GRM1: variants seen among roughly 807,000 people sequenced by gnomAD.
GRM1 encodes the protein glutamate metabotropic receptor 1.
GRM1 carries 33 observed loss-of-function variants against 90.9 expected under a neutral mutation model. The observed-to-expected ratio is 0.36, with a 90% CI of 0.28 to 0.49. The LOEUF (loss-of-function observed/expected upper bound fraction) is 0.49, where lower values mean the gene tolerates loss of function less well. Among genes scored for constraint, GRM1 ranks in the 20% least tolerant of loss-of-function variants. The pLI is 0.99. For synonymous variants in GRM1, 700 were observed against 613.2 expected, an observed-to-expected ratio of 1.14 and a Z score of -2.09; for missense variants, 1,190 against 1,534.3, an observed-to-expected ratio of 0.78 and a Z score of 3.75.
chr6:146,399,548 A>G lies in GRM1; in HGVS notation c.2509A>G (p.Ile837Val), dbSNP rs1432798773. 6.2e-7 allele frequency: 1 copy of G among 1,614,162 alleles called. No homozygotes were observed. ...LGCMFTPKMYIIIAKPERNVR... is the reference protein window; with the variant it reads ...LGCMFTPKMYVIIAKPERNVR... ...GTGCATGTTCACTCCCAAGATGTAC[A>G]TCATTATTGCCAAGCCTGAGAGGAA... Residue 837 changes from isoleucine (I) to valine (V), a missense_variant, in exon 7 of 8, where the codon ATC (isoleucine) becomes GTC (valine). By Grantham distance (29) the Ile-to-Val change is conservative. Around this residue, in one of 10 missense-constraint regions of GRM1, gnomAD observed 73 missense variants for 150.6 expected, o/e 0.48. Coordinates refer to ENST00000282753, the MANE Select transcript of GRM1 (RefSeq NM_001278064.2). This position sits in a 1 kb window ranked among gnomAD's most constrained non-coding sequence, Gnocchi z 5.4.
chr6:146,055,466 C>T (rs1322117990), intron 1 of GRM1, among the ~76,000 whole-genome samples: 13 of 152,028 alleles, frequency 8.6e-5, no homozygotes, highest in Non-Finnish European at 1.9e-4. Context: ...CATCCAAAAT[C>T]AAAGTTATTC....
intron 1 of GRM1, among the ~76,000 whole-genome samples, chr6:146,053,368 T>A (rs568654791): frequency 5.3e-5 from 8 of 152,212 alleles, no homozygotes; most frequent in African/African-American, 1.9e-4. Context: ...TTGCAGAATT[T>A]AATTCAATAG....
At position 146,435,666 on chromosome 6, in the gene GRM1, T is replaced by C. The variant is rs1208932480; in HGVS notation, c.*870T>C. 1 of 152,636 alleles carries C rather than the reference T, an allele frequency of 6.6e-6. No homozygotes were observed. Among genetic ancestry groups the C allele is most frequent in the Admixed American group, 6.5e-5 (1 of 15,290 alleles). The allele number at this position is 152,636 out of a possible 1,614,324, so 9.5% of individuals were successfully genotyped here. ...GCTTCTCATGTTCCATATTCACTTA[T>C]TGGCGATTTGGGGAAAAGGCCGGAA... On this transcript the variant is annotated 3_prime_UTR_variant, in exon 8 of 8. Coordinates refer to ENST00000282753, the MANE Select transcript of GRM1 (RefSeq NM_001278064.2).
intron 2 of GRM1, among the ~76,000 whole-genome samples, chr6:146,258,993 A>G (rs1781584716): frequency 6.6e-6 from 1 of 152,186 alleles, no homozygotes; most frequent in Admixed American, 6.5e-5. Flanking sequence ...TATCCCATCT[A>G]GAATACTGAA....
intron 7 of GRM1, among the ~76,000 whole-genome samples, chr6:146,420,178 G>A (rs1777938672): frequency 1.3e-5 from 2 of 152,200 alleles, no homozygotes; most frequent in Non-Finnish European, 2.9e-5. Flanking sequence ...GACTCATCGA[G>A]GAGAGGGCTC....
intron 3 of GRM1, among the ~76,000 whole-genome samples, chr6:146,341,787 C>T (rs888232603): frequency 3.9e-5 from 6 of 152,178 alleles, no homozygotes; most frequent in Admixed American, 3.9e-4. Flanking sequence ...CTAACCCCAA[C>T]GGTGCAGCCA....
intron 1 of GRM1, among the ~76,000 whole-genome samples, chr6:146,149,268 T>G (rs1476668935): frequency 6.6e-6 from 1 of 152,170 alleles, no homozygotes; most frequent in Non-Finnish European, 1.5e-5. Context: ...AGGACTTTCT[T>G]TGTGCAAGTG....
intron 1 of GRM1, among the ~76,000 whole-genome samples, chr6:146,048,624 T>G (rs578086262): frequency 1.3e-5 from 2 of 152,070 alleles, no homozygotes; most frequent in East Asian, 3.9e-4. Flanking sequence ...CAAAGGTGAT[T>G]TAAATGGTAA....
At chr6:146,226,274 T>C (rs1450147234) in intron 2 of GRM1, among the ~76,000 whole-genome samples, 1 of 152,108 alleles carries the variant, frequency 6.6e-6, no homozygotes, top group Non-Finnish European at 1.5e-5. Context: ...TGAGGAAAAC[T>C]GTAGCCCTAG....
intron 5 of GRM1, among the ~76,000 whole-genome samples, chr6:146,361,256 CAGA>C (rs1013979249): frequency 1.3e-5 from 2 of 152,190 alleles, no homozygotes; most frequent in African/African-American, 4.8e-5. Flanking sequence ...CAAGAGATGA[CAGA>C]AGATGAACGA....
chr6:146,127,899 C>T (rs1378100568), intron 1 of GRM1, among the ~76,000 whole-genome samples: 1 of 152,136 alleles, frequency 6.6e-6, no homozygotes, highest in Non-Finnish European at 1.5e-5. Flanking sequence ...TAGCTTGTCT[C>T]TGTGCTACTG....
chr6:146,205,490 G>A (rs999961509), intron 2 of GRM1, among the ~76,000 whole-genome samples: 1 of 152,094 alleles, frequency 6.6e-6, no homozygotes, highest in Non-Finnish European at 1.5e-5. Context: ...GTAAAGCAAC[G>A]GAAATAACAT....
intron 1 of GRM1, among the ~76,000 whole-genome samples, chr6:146,095,390 G>A (rs1776843574): frequency 6.6e-6 from 1 of 152,100 alleles, no homozygotes; most frequent in Non-Finnish European, 1.5e-5. Flanking sequence ...TGAAGCACAT[G>A]GAAGCTCAGG....
In GRM1 at chr6:146,030,186, T is replaced by C. The variant is rs759368561; in HGVS notation, c.669T>C (p.Asn223=). The change falls in exon 1 of 8, where the codon AAT becomes AAC. Residue 223 remains asparagine (N), a synonymous_variant. Coordinates refer to ENST00000282753, the MANE Select transcript of GRM1 (RefSeq NM_001278064.2). ...RAMLDIVKRY[N]WTYVSAVHTE... is the part of the protein sequence containing the mutation. The stretch of plus-strand genomic sequence containing the variant: ...TGCTTGACATAGTCAAACGTTACAA[T>C]TGGACCTATGTCTCTGCAGTCCACA... 7.6e-5 allele frequency: 122 copies of C among 1,613,516 alleles called. 2 individuals carry two copies. In the South Asian group the frequency reaches 1.2e-3, roughly 16 times the overall value.
chr6:146,034,072 C>T lies in GRM1; in HGVS notation c.700+3855C>T, dbSNP rs145943820. On this transcript the variant is annotated intron_variant, in intron 1 of 7. Transcript: ENST00000282753. ...AACTAATAAAAGATGCTTAGAACAT[C>T]ACATTACGTGCTTGCCCACGCTCAA... is the stretch of plus-strand genomic sequence containing the variant. 1.8e-3 allele frequency among the ~76,000 whole-genome samples: 272 copies of T among 152,112 alleles called. 1 individual carries two copies. Among genetic ancestry groups the T allele is most frequent in the African/African-American group, 6.4e-3 (265 of 41,538 alleles).
chr6:146,395,520 T>C (rs886957465), intron 6 of GRM1, among the ~76,000 whole-genome samples: 1 of 152,176 alleles, frequency 6.6e-6, no homozygotes, highest in African/African-American at 2.4e-5. Flanking sequence ...TCTTTTCTGC[T>C]CTTGCATTTA....
At chr6:146,403,513 TTGAG>T (rs2114599569) in intron 7 of GRM1, among the ~76,000 whole-genome samples, 1 of 152,246 alleles carries the variant, frequency 6.6e-6, no homozygotes, top group African/African-American at 2.4e-5. Flanking sequence ...TGATTATTTC[TTGAG>T]TATTTGAGTT....
intron 1 of GRM1, among the ~76,000 whole-genome samples, chr6:146,107,529 A>AC (rs1395496730): frequency 6.6e-6 from 1 of 152,028 alleles, no homozygotes; most frequent in Non-Finnish European, 1.5e-5. Flanking sequence ...TGGAGACTTC[A>AC]CCCCTTCAAG....
intron 2 of GRM1, among the ~76,000 whole-genome samples, chr6:146,297,045 T>C (rs1783201590): frequency 6.6e-6 from 1 of 152,236 alleles, no homozygotes; most frequent in South Asian, 2.1e-4. Flanking sequence ...CTGTCACCAT[T>C]GCTAGCACCT....
Sources: gnomAD v4.1 joint callset for allele counts (sites outside exome capture counted in the v4.1 genomes callset) on GRCh38, gnomAD v4.1.1 for gene constraint, gnomAD v4.1.1 regional missense constraint, Gnocchi (gnomAD v3.1) non-coding constraint, MANE v1.5 for transcripts, NCBI Gene and HGNC (gene_info 2026-07-23, HGNC 2026-07-21) for gene names.